ZNF682: variants seen among roughly 807,000 people sequenced by gnomAD.
ZNF682 encodes the protein zinc finger protein 682.
Under a neutral mutation model 36.5 loss-of-function variants are expected in ZNF682, and 29 were observed. The ratio of observed to expected loss-of-function variants is 0.80; its 90% CI spans 0.59 to 1.08. The LOEUF (loss-of-function observed/expected upper bound fraction) is 1.08, where lower values mean the gene tolerates loss of function less well. Among genes scored for constraint, ZNF682 ranks in the 50% least tolerant of loss-of-function variants. The probability of loss-of-function intolerance (pLI) is 0.00; values close to 1 mark genes in which losing one functional copy is unlikely to be tolerated. For missense variants in ZNF682, 561 were observed against 579.7 expected, an observed-to-expected ratio of 0.97 and a Z score of 0.33; for synonymous variants, 180 against 197.0, an observed-to-expected ratio of 0.91 and a Z score of 0.72.
chr19:20,006,006 T>C lies in ZNF682; in HGVS notation c.1496A>G (p.Ter499=), dbSNP rs1270317492. Residue 499 remains the stop codon, a stop_retained_variant, in exon 4 of 4, where the codon TAA becomes TGA. Transcript: ENST00000397165. ...AFNHCSNLTT[*] is the part of the protein sequence containing the mutation. ...AGGATTTCTCTTTAGTAAAAATTCT[T>C]ACGTAGTAAGGTTTGAGCAGTGATT... 8.3e-6 allele frequency: 13 copies of C among 1,564,250 alleles called. 1 individual carries two copies. Among genetic ancestry groups the C allele is most frequent in the Middle Eastern group, 1.7e-4 (1 of 5,852 alleles).
intron 1 of ZNF682, chr19:20,034,005 C>G (rs1361947827): frequency 6.4e-6 from 1 of 156,300 alleles, no homozygotes; most frequent in Non-Finnish European, 1.5e-5. Context: ...CTGAAACACC[C>G]AAGGCATTGG....
intron 3 of ZNF682, among the ~76,000 whole-genome samples, chr19:20,019,465 A>G (rs1055694247): frequency 6.6e-6 from 1 of 152,258 alleles, no homozygotes; most frequent in Non-Finnish European, 1.5e-5. Flanking sequence ...AAAAGCAAAT[A>G]TAAATAAGTG....
chr19:20,022,328 A>G (rs1005401824), intron 3 of ZNF682, among the ~76,000 whole-genome samples: 9 of 131,292 alleles, frequency 6.9e-5, no homozygotes, highest in African/African-American at 2.6e-4. Flanking sequence ...TAATACAAAC[A>G]AAAACAAAAC....
At chr19:20,031,458 C>T (rs909662228) in intron 1 of ZNF682, among the ~76,000 whole-genome samples, 20 of 152,204 alleles carry the variant, frequency 1.3e-4, no homozygotes, top group Non-Finnish European at 2.8e-4. Context: ...TGTCACGATG[C>T]AGAAAATGTT....
chr19:20,039,223 G>A, intron 1 of ZNF682, 120 bp downstream of exon 1: 2 of 1,496,860 alleles, frequency 1.3e-6, no homozygotes, highest in South Asian at 1.3e-5. Context: ...GCCTGCCGGG[G>A]ACTCCAGTCC....
intron 1 of ZNF682, among the ~76,000 whole-genome samples, chr19:20,026,195 C>T (rs989927648): frequency 9.9e-5 from 15 of 151,482 alleles, no homozygotes; most frequent in Non-Finnish European, 2.1e-4. Flanking sequence ...CCCAGCTACT[C>T]GGGAGGCTGA....
intron 1 of ZNF682, among the ~76,000 whole-genome samples, chr19:20,036,096 T>C (rs981235272): frequency 1.3e-5 from 2 of 152,170 alleles, no homozygotes; most frequent in Non-Finnish European, 2.9e-5. Context: ...CATATAACTA[T>C]GCCAACTGTT....
chr19:20,025,112 C>G (rs1286825490), intron 1 of ZNF682, among the ~76,000 whole-genome samples: 2 of 152,070 alleles, frequency 1.3e-5, no homozygotes, highest in African/African-American at 4.8e-5. Context: ...CAGTTGATAC[C>G]AAGGCATCCG....
chr19:20,019,988 G>A (rs1361847806), intron 3 of ZNF682, among the ~76,000 whole-genome samples: 1 of 149,474 alleles, frequency 6.7e-6, no homozygotes, highest in Non-Finnish European at 1.5e-5. Flanking sequence ...GAGGTAAGAG[G>A]ACTGCTTGAG....
intron 3 of ZNF682, among the ~76,000 whole-genome samples, chr19:20,022,133 C>A (rs2088389433): frequency 6.8e-6 from 1 of 146,240 alleles, no homozygotes; most frequent in Non-Finnish European, 1.5e-5. Flanking sequence ...TGGCGCCCTG[C>A]ACTCCAGCCT....
At chr19:20,000,336 T>C (rs1339604946), downstream of ZNF682, among the ~76,000 whole-genome samples, 1 of 152,228 alleles carries the variant, frequency 6.6e-6, no homozygotes, top group Admixed American at 6.5e-5. Flanking sequence ...CTTACATTTC[T>C]GAGTTTTAGC....
chr19:19,996,335 T>C (rs188031208), downstream of ZNF682, among the ~76,000 whole-genome samples: 310 of 152,270 alleles, frequency 2.0e-3, 1 homozygote, highest in African/African-American at 7.2e-3. Context: ...GTAATGGCTA[T>C]CTCCCCAGAG....
downstream of ZNF682, among the ~76,000 whole-genome samples, chr19:20,003,081 C>G (rs1039056716): frequency 2.7e-5 from 4 of 146,408 alleles, no homozygotes; most frequent in African/African-American, 1.0e-4. Flanking sequence ...GTCCCAGCTA[C>G]TCGGGAGGCT....
At chr19:20,039,302 G>A in intron 1 of ZNF682, 41 bp downstream of exon 1, 1 of 1,610,526 alleles carries the variant, frequency 6.2e-7, no homozygotes. Flanking sequence ...GTTTCAACCA[G>A]CCCTGCCCCC....
chr19:19,999,320 T>C (rs1241845300), intron 3 of ZNF682, among the ~76,000 whole-genome samples: 1 of 152,208 alleles, frequency 6.6e-6, no homozygotes, highest in Non-Finnish European at 1.5e-5. Flanking sequence ...CCCCAAAGTG[T>C]TGAAACAAAA....
At chr19:20,016,642 T>C (rs1364544800) in intron 3 of ZNF682, among the ~76,000 whole-genome samples, 1 of 152,086 alleles carries the variant, frequency 6.6e-6, no homozygotes, top group Non-Finnish European at 1.5e-5. Context: ...CTTATAAATA[T>C]TGAGTCATAA....
intron 3 of ZNF682, among the ~76,000 whole-genome samples, chr19:20,022,405 T>A (rs565193421): frequency 6.6e-6 from 1 of 151,644 alleles, no homozygotes; most frequent in Admixed American, 6.6e-5. Flanking sequence ...TGGTGGCTCA[T>A]GCCTGTAATC....
intron 1 of ZNF682, chr19:20,030,912 T>C (rs2088474063): frequency 6.6e-6 from 1 of 152,202 alleles, no homozygotes; most frequent in African/African-American, 2.4e-5. Context: ...ATTATTTTTG[T>C]GAGAAAGAGA....
intron 3 of ZNF682, chr19:20,015,380 A>C (rs2088326149): frequency 2.0e-6 from 2 of 984,586 alleles, no homozygotes; most frequent in South Asian, 9.4e-5. Context: ...ATTGGTAATA[A>C]ACATATGGCT....
Sources: gnomAD v4.1 joint callset for allele counts (sites outside exome capture counted in the v4.1 genomes callset) on GRCh38, gnomAD v4.1.1 for gene constraint, MANE v1.5 for transcripts, NCBI Gene and HGNC (gene_info 2026-07-23, HGNC 2026-07-21) for gene names.